Variants in FABP6 observed in about 807,000 individuals in gnomAD.
The protein encoded by FABP6 is gastrotropin.
A neutral mutation model predicts 14.9 loss-of-function variants in FABP6; 13 were observed. The ratio of observed to expected loss-of-function variants is 0.87; its 90% CI spans 0.57 to 1.39. FABP6 has a LOEUF of 1.39. Among genes scored for constraint, FABP6 ranks in the 40% most tolerant of loss-of-function variants. FABP6 has a pLI of 0.00. For synonymous variants in FABP6, 75 were observed against 63.6 expected (o/e 1.18, Z -0.85); for missense variants, 161 against 167.2 (o/e 0.96, Z 0.20).
At position 160,232,266 on chromosome 5, in the gene FABP6, C is replaced by A; in HGVS notation, c.236C>A (p.Thr79Lys). The A allele has an allele frequency of 1.9e-6, 3 of 1,603,510 alleles. No individual in the cohort carries two copies. The highest frequency in any genetic ancestry group is 1.7e-6 in the Non-Finnish European group (2 of 1,174,758). ...AACATACAGACAATGGGGGGCAAGA[C>A]GTTCAAGGTGAGAGGCCACTGGCTG... ...ESNIQTMGGK[T>K]FKATVQMEGG... The change falls in exon 2 of 4, where the codon ACG becomes AAG. Residue 79 changes from threonine (T) to lysine (K), a missense_variant. Transcript: ENST00000402432.
chr5:160,193,108 G>A (rs910390259), intron 1 of FABP6, among the ~76,000 whole-genome samples: 3 of 152,156 alleles, frequency 2.0e-5, no homozygotes, highest in Non-Finnish European at 2.9e-5. Flanking sequence ...GGACCCTTGC[G>A]GTGAGTGTTA....
intron 2 of FABP6, among the ~76,000 whole-genome samples, chr5:160,212,036 G>A (rs1028107005): frequency 7.2e-6 from 1 of 138,496 alleles, no homozygotes; most frequent in Non-Finnish European, 1.5e-5. Flanking sequence ...CGCCCAGGCT[G>A]TAGTGCAATG....
At chr5:160,238,268 A>G (rs1760562369) in intron 3 of FABP6, among the ~76,000 whole-genome samples, 1 of 152,092 alleles carries the variant, frequency 6.6e-6, no homozygotes, top group Admixed American at 6.6e-5. Flanking sequence ...CTAAACTTCA[A>G]TTTTCCCATC....
intron 1 of FABP6, among the ~76,000 whole-genome samples, chr5:160,190,172 C>A (rs1400269029): frequency 6.6e-6 from 1 of 152,198 alleles, no homozygotes; most frequent in Non-Finnish European, 1.5e-5. Flanking sequence ...CATCTATAAC[C>A]TCTTTGGTCA....
chr5:160,198,751 CTA>C (rs780028225), intron 1 of FABP6: 7 of 250,676 alleles, frequency 2.8e-5, no homozygotes, highest in Admixed American at 5.1e-5. Flanking sequence ...GCCCCATGTC[CTA>C]AGCATTAAGG....
At chr5:160,191,837 G>GTGGCAGGCGCCT (rs1759401004) in intron 1 of FABP6, among the ~76,000 whole-genome samples, 1 of 151,338 alleles carries the variant, frequency 6.6e-6, no homozygotes, top group Non-Finnish European at 1.5e-5. Context: ...GCCAGGCATG[G>GTGGCAGGCGCCT]TGGCAGGCGC....
At chr5:160,215,692 A>G (rs1173109104) in intron 3 of FABP6, among the ~76,000 whole-genome samples, 2 of 95,600 alleles carry the variant, frequency 2.1e-5, no homozygotes, top group African/African-American at 6.9e-5. Flanking sequence ...TGTCAAAAAA[A>G]AAAAAAGAAA....
intron 3 of FABP6, among the ~76,000 whole-genome samples, chr5:160,238,226 G>T (rs978250403): frequency 2.0e-5 from 3 of 152,188 alleles, no homozygotes; most frequent in Non-Finnish European, 4.4e-5. Context: ...TGCAGCCATG[G>T]CGTGTGGCCT....
In FABP6 at chr5:160,232,160, G is replaced by T; in HGVS notation, c.130G>T (p.Asp44Tyr). The T allele has an allele frequency of 6.2e-7, 1 of 1,614,022 alleles. No homozygotes were observed. The highest frequency in any genetic ancestry group is 1.1e-5 in the South Asian group (1 of 91,030). ...NFKIVTEVQQ[D>Y]GQDFTWSQHY... The stretch of plus-strand genomic sequence containing the variant: ...CAAGATCGTCACGGAGGTGCAGCAG[G>T]ATGGGCAGGACTTCACTTGGTCCCA... The change falls in exon 2 of 4, where the codon GAT (aspartate) becomes TAT (tyrosine). Residue 44 changes from aspartate to tyrosine, a missense_variant. Physicochemically the swap from Asp to Tyr is radical, Grantham distance 160 (BLOSUM62 -3). Coordinates refer to ENST00000402432, the MANE Select transcript of FABP6 (RefSeq NM_001445.3).
chr5:160,226,231 A>C (rs1372362142), upstream of FABP6, among the ~76,000 whole-genome samples: 1 of 152,106 alleles, frequency 6.6e-6, no homozygotes, highest in Non-Finnish European at 1.5e-5. Context: ...ATGGGATTAT[A>C]GGGATTTTTT....
At chr5:160,199,097 C>T (rs1401978126) in exon 2 of FABP6, 3 of 1,614,042 alleles carry the variant, frequency 1.9e-6, no homozygotes, top group Admixed American at 1.7e-5. Context: ...GCTGGTCCAG[C>T]CCAGAGGCGA....
At chr5:160,221,469 C>T (rs1045782940) in intron 3 of FABP6, among the ~76,000 whole-genome samples, 5 of 152,180 alleles carry the variant, frequency 3.3e-5, no homozygotes, top group South Asian at 2.1e-4. Context: ...TCCTCCAAGA[C>T]GAGAGACCCC....
chr5:160,193,488 G>GC (rs1377406261), intron 1 of FABP6, among the ~76,000 whole-genome samples: 1 of 152,012 alleles, frequency 6.6e-6, no homozygotes, highest in African/African-American at 2.4e-5. Context: ...CTCTTATTTG[G>GC]CCCCACCCAC....
chr5:160,208,277 T>TAA (rs71579116), intron 2 of FABP6, among the ~76,000 whole-genome samples: 2 of 146,986 alleles, frequency 1.4e-5, no homozygotes, highest in Non-Finnish European at 3.0e-5. Flanking sequence ...ATCGTTTGTC[T>TAA]AAAAAAAAAA....
chr5:160,216,795 G>T (rs1257635676), intron 3 of FABP6, among the ~76,000 whole-genome samples: 1 of 152,204 alleles, frequency 6.6e-6, no homozygotes, highest in Non-Finnish European at 1.5e-5. Context: ...TTGTTGCATG[G>T]ATTAACAGAG....
chr5:160,229,194 G>A (rs1760313402), upstream of FABP6, among the ~76,000 whole-genome samples: 1 of 152,198 alleles, frequency 6.6e-6, no homozygotes, highest in South Asian at 2.1e-4. Context: ...TGGCTGCAGA[G>A]TTAGAGGGTG....
intron 2 of FABP6, among the ~76,000 whole-genome samples, chr5:160,199,449 C>G (rs566940906): frequency 9.9e-5 from 15 of 152,240 alleles, no homozygotes; most frequent in Middle Eastern, 3.4e-3. Context: ...ACCGGGGCAG[C>G]CCCCTGGCCC....
chr5:160,206,006 G>C (rs1452415750), intron 2 of FABP6, among the ~76,000 whole-genome samples: 1 of 151,760 alleles, frequency 6.6e-6, no homozygotes, highest in Admixed American at 6.6e-5. Context: ...TGTAGCCTAA[G>C]GCAGCAAACC....
intron 2 of FABP6, among the ~76,000 whole-genome samples, chr5:160,213,405 T>C (rs1580910509): frequency 6.6e-6 from 1 of 152,116 alleles, no homozygotes; most frequent in Non-Finnish European, 1.5e-5. Context: ...GGCTGCAGGG[T>C]CCGCATGCAG....
Sources: allele counts gnomAD v4.1 joint callset (sites outside exome capture counted in the v4.1 genomes callset), GRCh38; gene constraint gnomAD v4.1.1; transcripts MANE v1.5; gene names NCBI Gene and HGNC (gene_info 2026-07-23, HGNC 2026-07-21).